Variants in SFXN5 observed in about 807,000 individuals in gnomAD.
SFXN5 encodes sideroflexin 5.
In SFXN5, 43 loss-of-function variants were observed where a neutral mutation model predicts 50.2. The observed-to-expected ratio is 0.86, with a 90% confidence interval of 0.67 to 1.11. SFXN5 has a LOEUF of 1.11. Among genes scored for constraint, SFXN5 ranks in the 50% least tolerant of loss-of-function variants. The pLI is 0.00. For missense variants in SFXN5, 463 were observed against 454.1 expected, an observed-to-expected ratio of 1.02 and a Z score of -0.18; for synonymous variants, 203 against 185.8, an observed-to-expected ratio of 1.09 and a Z score of -0.75.
At chr2:73,027,183 C>A (rs1224274995) in intron 3 of SFXN5, among the ~76,000 whole-genome samples, 6 of 152,120 alleles carry the variant, frequency 3.9e-5, no homozygotes, top group Non-Finnish European at 8.8e-5. Flanking sequence ...TCCCTGAAGA[C>A]TTTCCAGTGG....
intron 3 of SFXN5, among the ~76,000 whole-genome samples, chr2:73,024,311 C>A (rs1367655822): frequency 4.6e-5 from 7 of 152,126 alleles, no homozygotes; most frequent in Admixed American, 1.3e-4. Context: ...TGTGAGCCAC[C>A]ATGCCCAGCC....
At chr2:73,029,626 C>T (rs529150843) in intron 3 of SFXN5, among the ~76,000 whole-genome samples, 37 of 152,252 alleles carry the variant, frequency 2.4e-4, no homozygotes, top group African/African-American at 8.4e-4. Context: ...TAGGTCTCCC[C>T]GGCACTGGAG....
intron 13 of SFXN5, among the ~76,000 whole-genome samples, chr2:72,957,965 G>T (rs1441426717): frequency 1.3e-5 from 2 of 152,200 alleles, no homozygotes; most frequent in Non-Finnish European, 2.9e-5. Flanking sequence ...CAATAAGAGG[G>T]ACTTTGGTTA....
chr2:73,028,423 G>A (rs1021000931), intron 3 of SFXN5, among the ~76,000 whole-genome samples: 4 of 152,208 alleles, frequency 2.6e-5, no homozygotes, highest in Non-Finnish European at 5.9e-5. Flanking sequence ...AGGCCTGGGC[G>A]CAGGGAGGGC....
At chr2:72,975,054 T>C (rs1294840036) in intron 10 of SFXN5, among the ~76,000 whole-genome samples, 1 of 152,192 alleles carries the variant, frequency 6.6e-6, no homozygotes, top group East Asian at 1.9e-4. Context: ...TAACTGATGT[T>C]TGAGCAGCAA....
intron 2 of SFXN5, among the ~76,000 whole-genome samples, chr2:73,048,839 G>A (rs1680851578): frequency 6.6e-6 from 1 of 152,178 alleles, no homozygotes; most frequent in Admixed American, 6.5e-5. Flanking sequence ...CTGAATGAAA[G>A]ACATTTTAAG....
intron 6 of SFXN5, among the ~76,000 whole-genome samples, chr2:73,004,566 C>T (rs919266587): frequency 6.6e-6 from 1 of 152,018 alleles, no homozygotes; most frequent in Non-Finnish European, 1.5e-5. Context: ...GCCGAGGGGG[C>T]GCCGACACAG....
intron 3 of SFXN5, among the ~76,000 whole-genome samples, chr2:73,027,872 G>A (rs966148744): frequency 6.6e-6 from 1 of 151,890 alleles, no homozygotes; most frequent in East Asian, 1.9e-4. Context: ...ATGTTGCCCA[G>A]GCTGGTCTCC....
chr2:73,035,083 T>C (rs116086873), intron 3 of SFXN5, among the ~76,000 whole-genome samples: 2,817 of 152,252 alleles, frequency 0.019, 76 homozygotes, highest in African/African-American at 0.064. Context: ...GAAAATTGGG[T>C]TGATACAGGT....
chr2:72,978,383 A>G (rs1341013477), intron 10 of SFXN5, among the ~76,000 whole-genome samples: 1 of 151,524 alleles, frequency 6.6e-6, no homozygotes, highest in Non-Finnish European at 1.5e-5. Context: ...CCCGGGTTCA[A>G]GCGATTCTCC....
chr2:73,062,881 A>C lies in SFXN5; in HGVS notation c.103-4285T>G, dbSNP rs542189293. 1.5e-3 allele frequency among the ~76,000 whole-genome samples: 224 copies of C among 152,286 alleles called. 1 individual carries two copies. The highest frequency in any genetic ancestry group is 4.9e-3 in the African/African-American group (205 of 41,552). On this transcript the variant is annotated intron_variant, in intron 1 of 13. Coordinates refer to ENST00000272433, the MANE Select transcript of SFXN5 (RefSeq NM_144579.3). Reference sequence around the variant, plus strand: ...CCTAGCAGAGGAGGGTATATGCAAGAGGATGAAAGCATAAAGCTTAGGATC... The same window carrying C: ...CCTAGCAGAGGAGGGTATATGCAAGCGGATGAAAGCATAAAGCTTAGGATC...
At chr2:72,958,971 C>T (rs1019105666) in intron 13 of SFXN5, among the ~76,000 whole-genome samples, 2 of 152,154 alleles carry the variant, frequency 1.3e-5, no homozygotes, top group African/African-American at 4.8e-5. Context: ...TTCTCACCTT[C>T]CAGGGCCTAA....
intron 3 of SFXN5, among the ~76,000 whole-genome samples, chr2:73,035,195 T>G (rs868098011): frequency 1.3e-5 from 2 of 152,202 alleles, no homozygotes; most frequent in African/African-American, 4.8e-5. Context: ...CAGCGAGCGG[T>G]GGCTCACCAT....
chr2:72,975,156 A>G (rs1001593857), intron 10 of SFXN5, among the ~76,000 whole-genome samples: 4 of 152,238 alleles, frequency 2.6e-5, no homozygotes, highest in Non-Finnish European at 5.9e-5. Flanking sequence ...TAAGTCCTGA[A>G]GAGAATTTGC....
At chr2:72,948,298 T>C (rs936263190) in intron 13 of SFXN5, among the ~76,000 whole-genome samples, 5 of 152,196 alleles carry the variant, frequency 3.3e-5, no homozygotes, top group African/African-American at 1.2e-4. Context: ...AGGAGAAATA[T>C]ATAAACATAA....
intron 9 of SFXN5, chr2:72,998,634 C>T (rs959258703): frequency 1.6e-5 from 6 of 365,464 alleles, no homozygotes; most frequent in East Asian, 5.2e-5. Flanking sequence ...GCCACGTTAC[C>T]GAGCATGAGG....
chr2:73,060,530 C>T, intron 1 of SFXN5, among the ~76,000 whole-genome samples: 1 of 152,084 alleles, frequency 6.6e-6, no homozygotes, highest in African/African-American at 2.4e-5. Context: ...ACTAGATGCA[C>T]TGTGTAACTC....
At chr2:72,968,078 G>A (rs867971151) in intron 12 of SFXN5, among the ~76,000 whole-genome samples, 11 of 150,456 alleles carry the variant, frequency 7.3e-5, no homozygotes, top group Middle Eastern at 6.9e-3. Context: ...TTCACAAATG[G>A]TCCTGTACAT....
At chr2:73,047,436 A>C (rs1403674920) in intron 2 of SFXN5, among the ~76,000 whole-genome samples, 1 of 149,302 alleles carries the variant, frequency 6.7e-6, no homozygotes, top group Non-Finnish European at 1.5e-5. Flanking sequence ...AGGTTGGTAT[A>C]ATTTGCAGGA....
Sources: gnomAD v4.1 joint callset for allele counts (sites outside exome capture counted in the v4.1 genomes callset) on GRCh38, gnomAD v4.1.1 for gene constraint, MANE v1.5 for transcripts, NCBI Gene and HGNC (gene_info 2026-07-23, HGNC 2026-07-21) for gene names.